Variants in DHRS4L2 observed in about 807,000 individuals in gnomAD.
DHRS4L2 encodes dehydrogenase/reductase 4 like 2, also known as dehydrogenase/reductase SDR family member 4-like 2.
In DHRS4L2, 22 loss-of-function variants were observed where a neutral mutation model predicts 23.9. The ratio of observed to expected loss-of-function variants is 0.92; its 90% CI spans 0.66 to 1.31. DHRS4L2 has a LOEUF of 1.31. DHRS4L2 is among the 40% of genes most tolerant of loss of function. The pLI is 0.00. For synonymous variants in DHRS4L2, 141 were observed against 123.7 expected, an observed-to-expected ratio of 1.14 and a Z score of -0.93; for missense variants, 385 against 303.3, an observed-to-expected ratio of 1.27 and a Z score of -2.00.
At chr14:23,997,668 A>C (rs566818829) in intron 3 of DHRS4L2, among the ~76,000 whole-genome samples, 2 of 146,440 alleles carry the variant, frequency 1.4e-5, no homozygotes, top group East Asian at 2.0e-4. Flanking sequence ...TCTACATTTT[A>C]TCGTGAGATT....
rs182566596 is a variant in DHRS4L2, at chr14:23,974,859, G to A, written c.-176+4527G>A. Among the ~76,000 whole-genome samples the A allele has an allele frequency of 1.7e-4, 26 of 151,808 alleles. 1 individual carries two copies. Among genetic ancestry groups the A allele is most frequent in the African/African-American group, 5.6e-4 (23 of 41,400 alleles). ...GTACTATTCCTTCTGAAACTATACC[G>A]ATCAATAGAAAAAGAAAGAATCCTC... On this transcript the variant is annotated intron_variant, in intron 1 of 5. Coordinates refer to the DHRS4L2 transcript ENST00000534993.
At chr14:23,981,610 A>G (rs1234984369) in intron 1 of DHRS4L2, among the ~76,000 whole-genome samples, 2 of 151,596 alleles carry the variant, frequency 1.3e-5, no homozygotes, top group African/African-American at 2.4e-5. Flanking sequence ...GGCCCAGGGG[A>G]CTGGCACTCA....
intron 3 of DHRS4L2, among the ~76,000 whole-genome samples, chr14:23,995,976 A>T (rs1273227309): frequency 6.6e-6 from 1 of 151,812 alleles, no homozygotes; most frequent in East Asian, 1.9e-4. Flanking sequence ...TGCAGACTGT[A>T]CAAGAAGCAT....
rs1231185986 is a variant in DHRS4L2 at position 24,001,420 on chromosome 14, C to T, written c.568C>T (p.Leu190=). The T allele has an allele frequency of 2.5e-6, 4 of 1,608,068 alleles. 1 individual carries two copies. The highest frequency in any genetic ancestry group is 1.4e-5 in the African/African-American group (1 of 70,958). The change falls in exon 6 of 8, where the codon CTG becomes TTG. Residue 190 remains leucine (L), a synonymous_variant. Coordinates refer to ENST00000335125, the MANE Select transcript of DHRS4L2 (RefSeq NM_198083.4). ...TTACAATGTCAGTAAAACAGCCTTG[C>T]TGGGCCTCAACAATACCCTGGCCAT... ...SPYNVSKTAL[L]GLNNTLAIEL... is the part of the protein sequence containing the mutation.
At chr14:23,974,221 G>C (rs542133695) in intron 1 of DHRS4L2, among the ~76,000 whole-genome samples, 11 of 151,830 alleles carry the variant, frequency 7.2e-5, no homozygotes, top group East Asian at 5.8e-4. Flanking sequence ...ACACAGTGTA[G>C]CAGAATCTCT....
intron 2 of DHRS4L2, among the ~76,000 whole-genome samples, 169 bp downstream of exon 2, chr14:23,990,528 A>T (rs1005770215): frequency 1.3e-5 from 2 of 151,218 alleles, no homozygotes; most frequent in Non-Finnish European, 3.0e-5. Context: ...ATTTTAAAAC[A>T]TTCTAATGCT....
upstream of DHRS4L2, among the ~76,000 whole-genome samples, chr14:23,986,516 A>G (rs57039977): frequency 7.1e-6 from 1 of 141,332 alleles, no homozygotes; most frequent in Non-Finnish European, 1.6e-5. Flanking sequence ...ATAAAAAAAA[A>G]AAAAGAAAGA....
In DHRS4L2 at chr14:24,004,318, A is replaced by G. The variant is rs1814864139; in HGVS notation, c.666-19A>G. 1.3e-6 allele frequency: 2 copies of G among 1,581,882 alleles called. No homozygotes were observed. Among genetic ancestry groups the G allele is most frequent in the South Asian group, 2.3e-5 (2 of 85,664 alleles). The stretch of plus-strand genomic sequence containing the variant: ...GGAAAAGAAAAAAAAACATAAAGAG[A>G]TTTCCCTTCTTCCTACAGCTCTGGA... On this transcript the variant is annotated intron_variant, in intron 6 of 7. Transcript: ENST00000335125.
chr14:24,000,399 C>T (rs1247371128), intron 3 of DHRS4L2, among the ~76,000 whole-genome samples: 11 of 151,090 alleles, frequency 7.3e-5, no homozygotes, highest in Middle Eastern at 3.4e-3. Context: ...TCCTAGAGGG[C>T]CAAGAACATC....
chr14:23,989,310 C>T (rs2034217098), intron 1 of DHRS4L2, among the ~76,000 whole-genome samples: 1 of 151,720 alleles, frequency 6.6e-6, no homozygotes, highest in Non-Finnish European at 1.5e-5. Context: ...TGTGCAGCCC[C>T]ATCGATCTAG....
At position 23,988,942 on chromosome 14, in the gene DHRS4L2, T is replaced by A. The variant is rs375454063; in HGVS notation, c.-6T>A. 2.5e-6 allele frequency: 4 copies of A among 1,611,902 alleles called. No homozygotes were observed. In the Admixed American group the frequency reaches 5.0e-5, roughly 20 times the overall value. ...GGAGTGGAACCCAGACTTGCTGGTC[T>A]GATCCATGCAGATGGCCAGGCTGCT... On this transcript the variant is annotated 5_prime_UTR_variant, in exon 1 of 8. Transcript: ENST00000335125.
chr14:23,971,252 CA>C (rs1221465264), intron 1 of DHRS4L2, among the ~76,000 whole-genome samples: 1 of 151,594 alleles, frequency 6.6e-6, no homozygotes, highest in South Asian at 2.1e-4. Flanking sequence ...TAAAAACCTT[CA>C]AAAAAAGGTT....
intron 7 of DHRS4L2, among the ~76,000 whole-genome samples, chr14:24,005,360 A>T (rs1051199338): frequency 6.6e-6 from 1 of 150,616 alleles, no homozygotes; most frequent in African/African-American, 2.5e-5. Context: ...TATGGCAGGG[A>T]GATTAAAGTG....
chr14:24,001,074 G>A lies in DHRS4L2; in HGVS notation c.521G>A (p.Ser174Asn), dbSNP rs1367321037. The change falls in exon 5 of 8, where the codon AGT becomes AAT. Residue 174 changes from serine (S) to asparagine (N), a missense_variant. By Grantham distance (46) the Ser-to-Asn change is conservative (BLOSUM62 1). Transcript: ENST00000335125. ...ATCGTGTCTTCCATAGCAGCCTTCA[G>A]TCCATCTCCTGTAAGAACCCTTTTG... ...VVIVSSIAAF[S>N]PSPGFSPYNV... 19 of 1,611,024 alleles carry A rather than the reference G, an allele frequency of 1.2e-5. 1 individual carries two copies. Among genetic ancestry groups the A allele is most frequent in the Admixed American group, 1.7e-5 (1 of 59,946 alleles).
chr14:24,001,062 T>C lies in DHRS4L2; in HGVS notation c.509T>C (p.Ile170Thr), dbSNP rs2034478090. 6.2e-7 allele frequency: 1 copy of C among 1,611,202 alleles called. No individual in the cohort carries two copies. The highest frequency in any genetic ancestry group is 8.5e-7 in the Non-Finnish European group (1 of 1,179,442). ...GGGSVVIVSS[I>T]AAFSPSPGFS... The stretch of plus-strand genomic sequence containing the variant: ...GGCTCAGTGGTGATCGTGTCTTCCA[T>C]AGCAGCCTTCAGTCCATCTCCTGTA... The change falls in exon 5 of 8, where the codon ATA (isoleucine) becomes ACA (threonine). Residue 170 changes from isoleucine to threonine, a missense_variant. Ile to Thr is a moderately conservative substitution (Grantham distance 89). Coordinates refer to ENST00000335125, the MANE Select transcript of DHRS4L2 (RefSeq NM_198083.4).
At chr14:23,988,737 G>T (rs1173155215), upstream of DHRS4L2, 8 of 1,356,174 alleles carry the variant, frequency 5.9e-6, no homozygotes, top group Non-Finnish European at 7.6e-6. Flanking sequence ...ACCAGCCCGG[G>T]AAGGCAAGCC....
intron 1 of DHRS4L2, among the ~76,000 whole-genome samples, chr14:23,976,000 A>T (rs2033956934): frequency 6.6e-6 from 1 of 151,594 alleles, no homozygotes; most frequent in East Asian, 1.9e-4. Context: ...AAACCATAAA[A>T]ACCCTAGAAG....
At chr14:24,001,118 C>T (rs770126551) in intron 5 of DHRS4L2, 34 bp downstream of exon 5, 2 of 1,609,888 alleles carry the variant, frequency 1.2e-6, no homozygotes, top group Non-Finnish European at 1.7e-6. Context: ...TTCCATCCCA[C>T]CCTCCACTCC....
At chr14:23,998,333 C>T (rs1404414070) in intron 3 of DHRS4L2, among the ~76,000 whole-genome samples, 1 of 151,658 alleles carries the variant, frequency 6.6e-6, no homozygotes, top group African/African-American at 2.4e-5. Context: ...AAGTCACTGG[C>T]TGCATTAGCC....
Sources: allele counts gnomAD v4.1 joint callset (sites outside exome capture counted in the v4.1 genomes callset), GRCh38; gene constraint gnomAD v4.1.1; transcripts MANE v1.5; gene names NCBI Gene and HGNC (gene_info 2026-07-23, HGNC 2026-07-21).